IDE: variants seen among roughly 807,000 people sequenced by gnomAD.
IDE encodes the protein insulin degrading enzyme, also known as insulin-degrading enzyme.
A neutral mutation model predicts 133.2 loss-of-function variants in IDE; 58 were observed. That is an observed-to-expected ratio of 0.44 (90% confidence interval 0.35 to 0.54). The LOEUF is 0.54. Among genes scored for constraint, IDE ranks in the 20% least tolerant of loss-of-function variants. The pLI is 0.00. For missense variants in IDE, 981 were observed against 1,234.0 expected (o/e 0.79, Z 3.07); for synonymous variants, 396 against 421.3 (o/e 0.94, Z 0.73).
At chr10:92,507,313 G>A (rs1848344459) in intron 9 of IDE, among the ~76,000 whole-genome samples, 2 of 152,138 alleles carry the variant, frequency 1.3e-5, no homozygotes, top group South Asian at 4.1e-4. Flanking sequence ...TTTCTTCTGA[G>A]TGATGGAAAA....
At chr10:92,492,713 G>C (rs948370447) in intron 11 of IDE, among the ~76,000 whole-genome samples, 3 of 152,146 alleles carry the variant, frequency 2.0e-5, no homozygotes, top group African/African-American at 7.2e-5. Flanking sequence ...ACAGCTGAAA[G>C]CCTAGTACTT....
Position 92,454,208 on chromosome 10 carries a change from A to G in IDE, c.*236T>C. 2 of 332,952 alleles carry G rather than the reference A, an allele frequency of 6.0e-6. No individual in the cohort carries two copies. Among genetic ancestry groups the G allele is most frequent in the South Asian group, 1.1e-4 (2 of 17,478 alleles). The allele number at this position is 332,952 out of a possible 1,614,324, so 20.6% of individuals were successfully genotyped here. A position where few individuals can be genotyped will look rare whatever the true frequency, so the allele number is the denominator to read the frequency against. ...TATATTGGGGAAATTTCTCTCAGTA[A>G]TCAAAAGAAAAATTTTAAAATATTT... On this transcript the variant is annotated 3_prime_UTR_variant, in exon 25 of 25. Coordinates refer to ENST00000265986, the MANE Select transcript of IDE (RefSeq NM_004969.4).
intron 7 of IDE, among the ~76,000 whole-genome samples, 169 bp downstream of exon 7, chr10:92,508,559 G>A (rs72809190): frequency 0.019 from 2,477 of 129,284 alleles, no homozygotes; most frequent in Non-Finnish European, 0.022. Flanking sequence ...ATCTAAAAAA[G>A]AAAAAAAAAA....
In IDE at chr10:92,508,796, C is replaced by T; in HGVS notation, c.992G>A (p.Gly331Asp). ...DLQKYYKSNP[G>D]HYLGHLIGHE... Reference sequence around the variant, plus strand: ...CCCAATGAGATGACCAAGATAATGACCAGGATTTGATTTGTAGTATTTCTG... The same window carrying T: ...CCCAATGAGATGACCAAGATAATGATCAGGATTTGATTTGTAGTATTTCTG... The change falls in exon 7 of 25, where the codon GGT becomes GAT. Residue 331 changes from glycine (G) to aspartate (D), a missense_variant. Around this residue, in one of 2 missense-constraint regions of IDE, gnomAD observed 660 missense variants for 894.7 expected, o/e 0.74. Transcript: ENST00000265986. The T allele has an allele frequency of 6.2e-7, 1 of 1,613,708 alleles. No homozygotes were observed. The highest frequency in any genetic ancestry group is 8.5e-7 in the Non-Finnish European group (1 of 1,179,688).
rs1017735128 is a variant in IDE, at chr10:92,451,975, C to G, written c.*2469G>C. The G allele has an allele frequency of 6.6e-6, 1 of 152,190 alleles. No individual in the cohort carries two copies. Among genetic ancestry groups the G allele is most frequent in the African/African-American group, 2.4e-5 (1 of 41,440 alleles). The allele number at this position is 152,190 out of a possible 1,614,324, so 9.4% of individuals were successfully genotyped here. ...TCTGGGTTTGGAGTCAGTGACAATA[C>G]TCACAGCAAGGAGTCCAACATCAAA... is the stretch of plus-strand genomic sequence containing the variant. On this transcript the variant is annotated 3_prime_UTR_variant, in exon 25 of 25. Transcript: ENST00000265986.
chr10:92,493,770 T>C (rs1255511498), intron 11 of IDE, among the ~76,000 whole-genome samples: 2 of 152,156 alleles, frequency 1.3e-5, no homozygotes, highest in Non-Finnish European at 1.5e-5. Context: ...GAGATACCTT[T>C]GCAGACCAAG....
chr10:92,501,220 G>A (rs1294805815), intron 11 of IDE, among the ~76,000 whole-genome samples: 1 of 150,864 alleles, frequency 6.6e-6, no homozygotes, highest in Non-Finnish European at 1.5e-5. Flanking sequence ...AATTAGCTGG[G>A]CATTGGTGGC....
intron 11 of IDE, among the ~76,000 whole-genome samples, chr10:92,491,000 G>A (rs1326756417): frequency 6.6e-6 from 1 of 152,200 alleles, no homozygotes; most frequent in Non-Finnish European, 1.5e-5. Flanking sequence ...CACTTTAGGA[G>A]GCTGAGGCAG....
chr10:92,520,597 A>T lies in IDE; in HGVS notation c.662-5555T>A, dbSNP rs183805916. Among the ~76,000 whole-genome samples the T allele has an allele frequency of 1.9e-3, 286 of 152,310 alleles. 3 individuals are homozygous for T. The highest frequency in any genetic ancestry group is 6.8e-3 in the Middle Eastern group (2 of 294). On this transcript the variant is annotated intron_variant, in intron 4 of 24. Coordinates refer to ENST00000265986, the MANE Select transcript of IDE (RefSeq NM_004969.4). ...TACTTGGAATTATTATAAACTTTTT[A>T]AAAAGCCCTTTCTTCTTGCTATAGC...
rs1187482833 is a variant in IDE, at chr10:92,452,630, C to T, written c.*1814G>A. On this transcript the variant is annotated 3_prime_UTR_variant, in exon 25 of 25. Transcript: ENST00000265986. ...ATGTGTCATTCTCATAAAAAAGACA[C>T]TTAAATTTCACCCATTTTTTAAAAA... is the stretch of plus-strand genomic sequence containing the variant. 2.6e-5 allele frequency: 4 copies of T among 152,236 alleles called. No homozygotes were observed. The highest frequency in any genetic ancestry group is 4.1e-4 in the South Asian group (2 of 4,830). 9.4% of individuals were successfully genotyped at this position (152,236 alleles called of 1,614,324 possible).
intron 11 of IDE, among the ~76,000 whole-genome samples, chr10:92,500,605 CATGT>C (rs1254311232): frequency 1.3e-5 from 2 of 152,096 alleles, no homozygotes; most frequent in Non-Finnish European, 2.9e-5. Flanking sequence ...ATCAACTGAC[CATGT>C]ATGTGTGGAA....
intron 1 of IDE, among the ~76,000 whole-genome samples, chr10:92,573,591 G>A (rs887650041): frequency 6.6e-6 from 1 of 152,192 alleles, no homozygotes; most frequent in Non-Finnish European, 1.5e-5. Flanking sequence ...GACGCGGCGC[G>A]GCTCCCAGGT....
chr10:92,557,529 C>G (rs117929184), intron 1 of IDE, among the ~76,000 whole-genome samples: 2 of 150,858 alleles, frequency 1.3e-5, no homozygotes, highest in Non-Finnish European at 3.0e-5. Flanking sequence ...GACTCCATCT[C>G]AAAAAAAACC....
intron 5 of IDE, among the ~76,000 whole-genome samples, chr10:92,510,768 T>C (rs192409746): frequency 9.6e-6 from 1 of 103,974 alleles, no homozygotes; most frequent in South Asian, 3.5e-4. Context: ...ACATATATGA[T>C]ATATAGCACA....
intron 2 of IDE, among the ~76,000 whole-genome samples, chr10:92,536,779 C>T (rs965103295): frequency 6.6e-6 from 1 of 151,870 alleles, no homozygotes; most frequent in Non-Finnish European, 1.5e-5. Context: ...GTGGCTCACG[C>T]CTGTAATCCC....
intron 20 of IDE, among the ~76,000 whole-genome samples, 178 bp downstream of exon 20, chr10:92,465,498 A>G (rs12242504): frequency 0.051 from 7,739 of 152,294 alleles, 696 homozygotes; most frequent in African/African-American, 0.18. Flanking sequence ...TTTAATGTCC[A>G]TAAGATAGTG....
At chr10:92,554,883 C>T (rs1410929460) in intron 1 of IDE, 4 of 152,040 alleles carry the variant, frequency 2.6e-5, no homozygotes, top group Admixed American at 2.0e-4. Context: ...AAAAATACCT[C>T]TTCACAGATA....
rs554426594 is a variant in IDE, at chr10:92,480,604, T to C, written c.1740-1183A>G. On this transcript the variant is annotated intron_variant, in intron 14 of 24. Transcript: ENST00000265986. ...GGCAAGGGAGTGAGCCCTGGGGATA[T>C]CTAAGGGGTGGAGTGGAGAACTTCC... 3 of 152,290 alleles carry C rather than the reference T, an allele frequency of 2.0e-5. No individual in the cohort carries two copies. In the East Asian group the frequency reaches 5.8e-4, roughly 29 times the overall value. The allele number at this position is 152,290 out of a possible 1,614,324, so 9.4% of individuals were successfully genotyped here.
chr10:92,486,611 A>G (rs1017818350), intron 13 of IDE, among the ~76,000 whole-genome samples: 1 of 152,184 alleles, frequency 6.6e-6, no homozygotes, highest in Admixed American at 6.5e-5. Flanking sequence ...AATGTGCTGT[A>G]ATAATTTGAT....
Sources: gnomAD v4.1 joint callset for allele counts (sites outside exome capture counted in the v4.1 genomes callset) on GRCh38, gnomAD v4.1.1 for gene constraint, gnomAD v4.1.1 regional missense constraint, MANE v1.5 for transcripts, NCBI Gene and HGNC (gene_info 2026-07-23, HGNC 2026-07-21) for gene names.